The following RECQL5 variants were observed in gnomAD, a reference collection of about 807,000 sequenced individuals.
RECQL5 encodes ATP-dependent DNA helicase Q5.
RECQL5 carries 88 observed loss-of-function variants against 103.4 expected under a neutral mutation model. That is an observed-to-expected ratio of 0.85 (90% confidence interval 0.72 to 1.02). RECQL5 has a LOEUF of 1.02. Ranked by LOEUF, RECQL5 falls within the 50% of genes least tolerant of loss-of-function variation. The pLI is 0.00. For synonymous variants in RECQL5, 552 were observed against 507.9 expected, an observed-to-expected ratio of 1.09 and a Z score of -1.17; for missense variants, 1,232 against 1,284.3, an observed-to-expected ratio of 0.96 and a Z score of 0.62.
At chr17:75,641,196 G>A in intron 8 of RECQL5, 1 of 354,780 alleles carries the variant, frequency 2.8e-6, no homozygotes, top group Non-Finnish European at 5.3e-6. Context: ...AAACAAGGAA[G>A]TAGGGGTCCC....
intron 7 of RECQL5, among the ~76,000 whole-genome samples, chr17:75,656,992 C>T (rs1042061962): frequency 6.6e-6 from 1 of 152,222 alleles, no homozygotes; most frequent in Non-Finnish European, 1.5e-5. Context: ...GATCCACCCG[C>T]CTCGGCCTCC....
At chr17:75,627,554 G>A (rs1345882677) in intron 19 of RECQL5, 32 bp from the exon 20 acceptor site, 3 of 1,611,092 alleles carry the variant, frequency 1.9e-6, no homozygotes, top group Admixed American at 1.7e-5. Flanking sequence ...ATGAGGAGGT[G>A]AGCGTTAGCC....
chr17:75,662,756 C>T lies in RECQL5; in HGVS notation c.494G>A (p.Trp165Ter). 1 of 1,614,082 alleles carries T rather than the reference C, an allele frequency of 6.2e-7. No individual in the cohort carries two copies. Among genetic ancestry groups the T allele is most frequent in the South Asian group, 1.1e-5 (1 of 91,080 alleles). ...VVDEAHCVSQ[W>*]GHDFRPDYLR... ...GTAGTCAGGACGAAAGTCATGCCCCCATTGGGAAACACAATGAGCTTCATC... is the reference window on the plus strand; with the variant it reads ...GTAGTCAGGACGAAAGTCATGCCCCTATTGGGAAACACAATGAGCTTCATC... The change falls in exon 4 of 20, where the codon TGG (tryptophan) becomes TAG (stop). Residue 165 changes from tryptophan (W) to a stop codon, truncating the protein, a stop_gained. Transcript: ENST00000317905. LOFTEE classifies it high-confidence loss of function.
intron 8 of RECQL5, chr17:75,635,825 C>T (rs1329715571): frequency 1.8e-5 from 18 of 985,356 alleles, no homozygotes; most frequent in Admixed American, 6.1e-5. Flanking sequence ...GTCTCAAACA[C>T]GCCGCCTGCT....
At chr17:75,654,259 G>A (rs934652000) in intron 7 of RECQL5, among the ~76,000 whole-genome samples, 9 of 152,064 alleles carry the variant, frequency 5.9e-5, no homozygotes, top group South Asian at 2.1e-4. Context: ...ACCCCTAACT[G>A]TCCTAACATA....
chr17:75,653,665 G>A (rs1168796370), intron 7 of RECQL5, among the ~76,000 whole-genome samples: 2 of 152,208 alleles, frequency 1.3e-5, no homozygotes, highest in African/African-American at 4.8e-5. Flanking sequence ...TTGGGAGGCT[G>A]AGGTAGGTGG....
intron 18 of RECQL5, among the ~76,000 whole-genome samples, 154 bp from the exon 19 acceptor site, chr17:75,627,846 T>C (rs2059127467): frequency 6.6e-6 from 1 of 151,940 alleles, no homozygotes. Flanking sequence ...GGTGAAACCC[T>C]GACTCTACTA....
intron 3 of RECQL5, among the ~76,000 whole-genome samples, chr17:75,664,108 C>G (rs2059736668): frequency 6.6e-6 from 1 of 150,976 alleles, no homozygotes; most frequent in African/African-American, 2.4e-5. Context: ...AAGCACTTAG[C>G]ACGAAGCCTG....
At chr17:75,664,054 C>CAAAAAAAAA (rs34569441) in intron 3 of RECQL5, among the ~76,000 whole-genome samples, 3 of 105,596 alleles carry the variant, frequency 2.8e-5, no homozygotes, top group Non-Finnish European at 3.8e-5. Context: ...AACTCCATCT[C>CAAAAAAAAA]AAAAAAAAAA....
In RECQL5 at chr17:75,631,219, A is replaced by C; in HGVS notation, c.1479T>G (p.Asp493Glu). The C allele has an allele frequency of 6.2e-7, 1 of 1,613,900 alleles. No individual in the cohort carries two copies. The highest frequency in any genetic ancestry group is 8.5e-7 in the Non-Finnish European group (1 of 1,180,024). Reference sequence around the variant, plus strand: ...GCTTGTGGGCCTCATCTCTGCCTTCATCCCCGCTGCCTCCAGAACCTTCGT... The same window carrying C: ...GCTTGTGGGCCTCATCTCTGCCTTCCTCCCCGCTGCCTCCAGAACCTTCGT... ...RYDEGSGGSGDEGRDEAHKRE... is the reference protein window; with the variant it reads ...RYDEGSGGSGEEGRDEAHKRE... The change falls in exon 10 of 20, where the codon GAT (aspartate) becomes GAG (glutamate). Residue 493 changes from aspartate to glutamate, a missense_variant. Coordinates refer to ENST00000317905, the MANE Select transcript of RECQL5 (RefSeq NM_004259.7).
intron 8 of RECQL5, chr17:75,647,560 G>A (rs747311143): frequency 2.6e-5 from 40 of 1,549,936 alleles, no homozygotes; most frequent in Non-Finnish European, 3.2e-5. Flanking sequence ...GGGTGAAGAG[G>A]AGTGACCTGA....
At chr17:75,664,172 T>C (rs2059737648) in intron 3 of RECQL5, among the ~76,000 whole-genome samples, 1 of 152,112 alleles carries the variant, frequency 6.6e-6, no homozygotes, top group Non-Finnish European at 1.5e-5. Context: ...CTACCTTCCT[T>C]CATGGTGGAT....
rs1332151464 is a variant in RECQL5 at position 75,640,111 on chromosome 17, G to C, written c.1230-8443C>G. On this transcript the variant is annotated intron_variant, in intron 8 of 19. Coordinates refer to ENST00000317905, the MANE Select transcript of RECQL5 (RefSeq NM_004259.7). This position sits in a 1 kb window ranked among gnomAD's most constrained non-coding sequence, Gnocchi z 4.6. ...GGTGCGAGGGTGGAATCTCGGTGCT[G>C]CGACGAGTGTGGGGCCAGCCGTGGA... 7.0e-7 allele frequency: 1 copy of C among 1,438,060 alleles called. No homozygotes were observed. The highest frequency in any genetic ancestry group is 9.1e-7 in the Non-Finnish European group (1 of 1,097,232). The allele number at this position is 1,438,060 out of a possible 1,614,324, so 89.1% of individuals were successfully genotyped here.
intron 8 of RECQL5, among the ~76,000 whole-genome samples, chr17:75,642,912 C>G (rs2059450012): frequency 6.6e-6 from 1 of 152,244 alleles, no homozygotes; most frequent in African/African-American, 2.4e-5. Context: ...ACACCCAGGG[C>G]TCTGAGACCC....
At position 75,628,565 on chromosome 17, in the gene RECQL5, T is replaced by C. The variant is rs1598976302; in HGVS notation, c.2580+107A>G. The C allele has an allele frequency of 1.9e-5, 28 of 1,502,526 alleles. No homozygotes were observed. The Middle Eastern group carries it at 1.4e-3, about 77-fold the overall frequency. 93.1% of individuals were successfully genotyped at this position (1,502,526 alleles called of 1,614,324 possible). On this transcript the variant is annotated intron_variant, in intron 17 of 19. Coordinates refer to ENST00000317905, the MANE Select transcript of RECQL5 (RefSeq NM_004259.7). ...CCAGCCCAGCCCATCTGCTGCCAGGTGTGGAAAGAAAGCTGATTTTCCCTG... is the reference window on the plus strand; with the variant it reads ...CCAGCCCAGCCCATCTGCTGCCAGGCGTGGAAAGAAAGCTGATTTTCCCTG...
intron 15 of RECQL5, 86 bp from the exon 16 acceptor site, chr17:75,629,561 G>A: frequency 6.7e-7 from 1 of 1,500,060 alleles, no homozygotes; most frequent in Non-Finnish European, 8.9e-7. Context: ...CTCACATTGG[G>A]ACGGGGCTCT....
At chr17:75,655,315 C>T (rs1251418440) in intron 7 of RECQL5, among the ~76,000 whole-genome samples, 2 of 151,886 alleles carry the variant, frequency 1.3e-5, no homozygotes, top group African/African-American at 4.8e-5. Flanking sequence ...AAGTGATCCG[C>T]TCGCCTTGGC....
rs746601130 is a variant in RECQL5 at position 75,666,582 on chromosome 17, G to T, written c.-14-11C>A. On this transcript the variant is annotated splice_polypyrimidine_tract_variant and intron_variant, in intron 1 of 19. Coordinates refer to ENST00000317905, the MANE Select transcript of RECQL5 (RefSeq NM_004259.7). ...TCTTAGCCAAGAACAGTGGCCAAAG[G>T]TTAAGGCAAAGGTAGTAAAAGGTTG... 2 of 1,612,176 alleles carry T rather than the reference G, an allele frequency of 1.2e-6. No homozygotes were observed. Among genetic ancestry groups the T allele is most frequent in the Non-Finnish European group, 1.7e-6 (2 of 1,179,448 alleles).
Position 75,658,475 on chromosome 17 carries a change from G to A in RECQL5, c.987-15C>T, listed in dbSNP as rs775577540. On this transcript the variant is annotated splice_polypyrimidine_tract_variant and intron_variant, in intron 6 of 19. Transcript: ENST00000317905. ...GGGCGACAAACCTGTAGGATCCAAA[G>A]GGACAAGCAGCATGAGATGGTGGAG... 4 of 1,612,058 alleles carry A rather than the reference G, an allele frequency of 2.5e-6. No homozygotes were observed. Among genetic ancestry groups the A allele is most frequent in the Non-Finnish European group, 3.4e-6 (4 of 1,178,758 alleles).
Sources: gnomAD v4.1 joint callset for allele counts (sites outside exome capture counted in the v4.1 genomes callset) on GRCh38, gnomAD v4.1.1 for gene constraint, Gnocchi (gnomAD v3.1) non-coding constraint, MANE v1.5 for transcripts, NCBI Gene and HGNC (gene_info 2026-07-23, HGNC 2026-07-21) for gene names.